Variants in MICAL1 observed in about 807,000 individuals in gnomAD.
MICAL1 encodes [F-actin]-monooxygenase MICAL1.
A neutral mutation model predicts 131.8 loss-of-function variants in MICAL1; 95 were observed. The observed-to-expected ratio is 0.72, with a 90% CI of 0.61 to 0.86. The LOEUF (loss-of-function observed/expected upper bound fraction) is 0.86. Among genes scored for constraint, MICAL1 ranks in the 40% least tolerant of loss-of-function variants. The pLI, the probability that MICAL1 is intolerant of heterozygous loss-of-function variation, is 0.00. For missense variants in MICAL1, 1,292 were observed against 1,380.6 expected (o/e 0.94, Z 1.02); for synonymous variants, 546 against 554.2 (o/e 0.99, Z 0.21).
In MICAL1 at chr6:109,444,763, T is replaced by C; in HGVS notation, c.3017A>G (p.Gln1006Arg). 2.5e-6 allele frequency: 4 copies of C among 1,614,152 alleles called. No homozygotes were observed. Among genetic ancestry groups the C allele is most frequent in the Non-Finnish European group, 3.4e-6 (4 of 1,180,024 alleles). The change falls in exon 24 of 25, where the codon CAG (glutamine) becomes CGG (arginine). Residue 1006 changes from glutamine (Q) to arginine (R), a missense_variant. Transcript: ENST00000358807. The stretch of plus-strand genomic sequence containing the variant: ...GTAGCCTCGTAGCTCCTGGTCCAGC[T>C]GCCACTGTTTCTCCTCCAGATTCAA... ...QELNLEEKQWQLDQELRGYMN... is the reference protein window; with the variant it reads ...QELNLEEKQWRLDQELRGYMN...
intron 11 of MICAL1, 22 bp downstream of exon 11, chr6:109,449,378 C>G: frequency 6.2e-7 from 1 of 1,614,090 alleles, no homozygotes; most frequent in Non-Finnish European, 8.5e-7. Flanking sequence ...TTGGTCACCC[C>G]TTGGGAGGAA....
intron 7 of MICAL1, 51 bp from the exon 8 acceptor site, chr6:109,450,608 T>G: frequency 5.8e-6 from 9 of 1,555,250 alleles, no homozygotes; most frequent in Non-Finnish European, 7.9e-6. Context: ...GCAGGGTCAG[T>G]GGGCCAGTGC....
At chr6:109,465,471 C>T (rs1298669720) in intron 1 of MICAL1, 2 of 634,242 alleles carry the variant, frequency 3.2e-6, no homozygotes, top group African/African-American at 3.7e-5. Flanking sequence ...AAATGACTCC[C>T]TTTGTCCTAG....
Position 109,454,037 on chromosome 6 carries a change from G to T in MICAL1, c.160C>A (p.Gln54Lys). ...GLPQYHKIKD[Q>K]LNYWSAKSLW... is the part of the protein sequence containing the mutation. ...GACTTGGCGCTCCAGTAGTTGAGCT[G>T]GTCCTTGATCTTGTGGTACTGGGGC... The change falls in exon 2 of 25, where the codon CAG becomes AAG. Residue 54 changes from glutamine (Q) to lysine (K), a missense_variant. Gln to Lys is a moderately conservative substitution (Grantham distance 53, BLOSUM62 1). Transcript: ENST00000358807. The T allele has an allele frequency of 6.2e-7, 1 of 1,614,188 alleles. No individual in the cohort carries two copies.
intron 7 of MICAL1, 43 bp downstream of exon 7, chr6:109,451,557 G>A (rs768512275): frequency 6.2e-6 from 10 of 1,609,336 alleles, no homozygotes; most frequent in East Asian, 4.5e-5. Context: ...TCTGCCTCCC[G>A]GGGCTCACCA....
At position 109,454,201 on chromosome 6, in the gene MICAL1, G is replaced by A. The variant is rs777513367; in HGVS notation, c.-5C>T. Reference sequence around the variant, plus strand: ...GGTGGAGGTAGGTGAAGCCATGGAGGCCTCCTGGGGAGGGCAGCAGCTGGG... The same window carrying A: ...GGTGGAGGTAGGTGAAGCCATGGAGACCTCCTGGGGAGGGCAGCAGCTGGG... On this transcript the variant is annotated 5_prime_UTR_variant, in exon 2 of 25. Coordinates refer to ENST00000358807, the MANE Select transcript of MICAL1 (RefSeq NM_022765.4). 5 of 1,590,818 alleles carry A rather than the reference G, an allele frequency of 3.1e-6. No individual in the cohort carries two copies. Among genetic ancestry groups the A allele is most frequent in the Non-Finnish European group, 4.3e-6 (5 of 1,168,676 alleles).
rs555816534 is a variant in MICAL1, at chr6:109,455,444, G to A, written c.-44+275C>T. Among the ~76,000 whole-genome samples the A allele has an allele frequency of 6.6e-6, 1 of 152,274 alleles. No homozygotes were observed. Among genetic ancestry groups the A allele is most frequent in the African/African-American group, 2.4e-5 (1 of 41,560 alleles). On this transcript the variant is annotated intron_variant, in intron 1 of 24. Coordinates refer to ENST00000358807, the MANE Select transcript of MICAL1 (RefSeq NM_022765.4). The surrounding 1 kb of genome is among the most constrained non-coding windows in gnomAD (Gnocchi z 4.7). ...CCTCGGCGAAAGGGGAGAAAGGAGC[G>A]ACCCAGCCTGGAAACGCCAGGACAA...
chr6:109,453,903 A>G (rs745722697), intron 2 of MICAL1, 36 bp downstream of exon 2: 8 of 1,610,304 alleles, frequency 5.0e-6, no homozygotes, highest in Non-Finnish European at 5.9e-6. Context: ...GACTCCCCGC[A>G]TGCTCCACAC....
At chr6:109,447,803 C>G (rs889065141) in intron 14 of MICAL1, 72 bp downstream of exon 14, 3 of 1,611,788 alleles carry the variant, frequency 1.9e-6, no homozygotes, top group Non-Finnish European at 2.5e-6. Context: ...TCACCATCAC[C>G]CCAGGATCTC....
At chr6:109,444,684 C>T (rs1775127088) in intron 24 of MICAL1, 41 bp downstream of exon 24, 2 of 1,606,750 alleles carry the variant, frequency 1.2e-6, no homozygotes, top group Non-Finnish European at 1.7e-6. Context: ...TTGCATGACA[C>T]ATCCCTGGGA....
chr6:109,465,941 A>G (rs1448808819), exon 1 of MICAL1: 1 of 1,614,160 alleles, frequency 6.2e-7, no homozygotes, highest in Non-Finnish European at 8.5e-7. Flanking sequence ...GCAGGTGCTG[A>G]GCTGGATCTG....
At chr6:109,454,931 G>C (rs961060866) in intron 1 of MICAL1, 1 of 152,324 alleles carries the variant, frequency 6.6e-6, no homozygotes. Flanking sequence ...ACGCACTGTG[G>C]TCAAAACACT....
chr6:109,462,709 A>C (rs1775917986), intron 1 of MICAL1: 1 of 152,228 alleles, frequency 6.6e-6, no homozygotes, highest in Non-Finnish European at 1.5e-5. Flanking sequence ...CAAGCACTTG[A>C]ATAACTGATT....
At chr6:109,446,573 GC>G in intron 18 of MICAL1, 122 bp downstream of exon 18, 1 of 1,349,794 alleles carries the variant, frequency 7.4e-7, no homozygotes. Flanking sequence ...AGGCATCCCT[GC>G]CTTCACAGAG....
intron 24 of MICAL1, 50 bp downstream of exon 24, chr6:109,444,675 T>G: frequency 1.3e-6 from 2 of 1,595,998 alleles, no homozygotes; most frequent in Non-Finnish European, 1.7e-6. Context: ...TCATGAGGCT[T>G]GCATGACACA....
At chr6:109,463,178 G>C (rs1775937696) in intron 1 of MICAL1, 1 of 152,174 alleles carries the variant, frequency 6.6e-6, no homozygotes, top group Non-Finnish European at 1.5e-5. Context: ...GTAGAGATGG[G>C]GTTTCACTAT....
At position 109,449,920 on chromosome 6, in the gene MICAL1, C is replaced by T. The variant is rs777938994; in HGVS notation, c.1307+50G>A. On this transcript the variant is annotated intron_variant, in intron 9 of 24. Transcript: ENST00000358807. ...CAGCACCCCTGCCCCTCTTCCTGAACCTTGTCACATGTCCTGCCCTGCCCA... is the reference window on the plus strand; with the variant it reads ...CAGCACCCCTGCCCCTCTTCCTGAATCTTGTCACATGTCCTGCCCTGCCCA... The T allele has an allele frequency of 1.0e-5, 16 of 1,604,122 alleles. No individual in the cohort carries two copies. In the South Asian group the frequency reaches 1.7e-4, roughly 17 times the overall value.
upstream of MICAL1, chr6:109,455,820 T>C: frequency 2.1e-6 from 2 of 972,180 alleles, no homozygotes; most frequent in Middle Eastern, 5.3e-4. The surrounding 1 kb of genome is among the most constrained non-coding windows in gnomAD (Gnocchi z 4.7). Flanking sequence ...AACGCCGAGA[T>C]CGGGCGGGGA....
intron 9 of MICAL1, 77 bp downstream of exon 9, chr6:109,449,893 C>G: frequency 6.3e-7 from 1 of 1,591,446 alleles, no homozygotes; most frequent in South Asian, 1.1e-5. Context: ...CGTCTATTCA[C>G]TCAGCACCCC....
Sources: gnomAD v4.1 joint callset for allele counts (sites outside exome capture counted in the v4.1 genomes callset) on GRCh38, gnomAD v4.1.1 for gene constraint, Gnocchi (gnomAD v3.1) non-coding constraint, MANE v1.5 for transcripts, NCBI Gene and HGNC (gene_info 2026-07-23, HGNC 2026-07-21) for gene names.